RCAN2: variants seen among roughly 807,000 people sequenced by gnomAD.
RCAN2 encodes the protein calcipressin-2.
In RCAN2, 9 loss-of-function variants were observed where a neutral mutation model predicts 23.6. That is an observed-to-expected ratio of 0.38 (90% CI 0.23 to 0.67). RCAN2 has a LOEUF of 0.67. Ranked by LOEUF, RCAN2 falls within the 30% of genes least tolerant of loss-of-function variation. The pLI is 0.51. For synonymous variants in RCAN2, 109 were observed against 115.7 expected (o/e 0.94, Z 0.37); for missense variants, 273 against 302.3 (o/e 0.90, Z 0.72).
chr6:46,443,734 T>C (rs1767619396), intron 2 of RCAN2, among the ~76,000 whole-genome samples: 1 of 152,310 alleles, frequency 6.6e-6, no homozygotes, highest in East Asian at 1.9e-4. Flanking sequence ...TTCAGTGCAT[T>C]TACATTTGGC....
At chr6:46,365,934 T>C (rs1162877485) in intron 2 of RCAN2, among the ~76,000 whole-genome samples, 1 of 152,250 alleles carries the variant, frequency 6.6e-6, no homozygotes, top group African/African-American at 2.4e-5. Context: ...TTGCATTATT[T>C]GGCTTAATCT....
chr6:46,243,524 C>A (rs1179627316), intron 4 of RCAN2, among the ~76,000 whole-genome samples: 1 of 152,036 alleles, frequency 6.6e-6, no homozygotes, highest in Non-Finnish European at 1.5e-5. Flanking sequence ...AGAAATAATT[C>A]TTGAGGCCTA....
At chr6:46,296,066 CGTGTGTGT>C (rs60947209) in intron 2 of RCAN2, among the ~76,000 whole-genome samples, 1,462 of 138,526 alleles carry the variant, frequency 0.011, 25 homozygotes, top group African/African-American at 0.035. Context: ...CCAATAGCTT[CGTGTGTGT>C]GTGTGTGTGT....
chr6:46,456,815 G>T lies in RCAN2; in HGVS notation c.162C>A (p.Asp54Glu), dbSNP rs1768047063. ...TGCACGCAAACAACGAGTTGGGGAG[G>T]TCATTGAAGTCAGTGATTGCTTGAA... Reference protein sequence around the residue: ...EAFQAITDFNDLPNSLFACNV... With the variant: ...EAFQAITDFNELPNSLFACNV... The change falls in exon 2 of 5, where the codon GAC (aspartate) becomes GAA (glutamate). Residue 54 changes from aspartate to glutamate, a missense_variant. By Grantham distance (45) the Asp-to-Glu change is conservative. Coordinates refer to ENST00000371374, the MANE Select transcript of RCAN2 (RefSeq NM_001251974.2). 1.3e-6 allele frequency: 2 copies of T among 1,550,802 alleles called. No individual in the cohort carries two copies. Among genetic ancestry groups the T allele is most frequent in the Middle Eastern group, 1.7e-4 (1 of 5,994 alleles).
At chr6:46,290,113 C>G (rs918278416) in intron 2 of RCAN2, among the ~76,000 whole-genome samples, 6 of 151,938 alleles carry the variant, frequency 3.9e-5, no homozygotes, top group African/African-American at 1.2e-4. Flanking sequence ...CCATGGACTG[C>G]CAGCTACCTC....
intron 2 of RCAN2, among the ~76,000 whole-genome samples, chr6:46,339,852 A>G (rs1026188902): frequency 5.3e-5 from 8 of 152,028 alleles, no homozygotes; most frequent in Admixed American, 2.0e-4. Flanking sequence ...ATAGGAAAAT[A>G]GGTTTCTGAG....
chr6:46,421,591 C>T (rs1766891492), intron 2 of RCAN2, among the ~76,000 whole-genome samples: 1 of 152,144 alleles, frequency 6.6e-6, no homozygotes, highest in African/African-American at 2.4e-5. Context: ...CTTTTAATAC[C>T]CACTGCCAAT....
intron 2 of RCAN2, among the ~76,000 whole-genome samples, chr6:46,260,697 C>T (rs1409054662): frequency 1.3e-5 from 2 of 152,118 alleles, no homozygotes; most frequent in East Asian, 1.9e-4. Context: ...CTATGGAGCC[C>T]GGCTATGCCA....
chr6:46,227,571 G>A (rs578191592), intron 4 of RCAN2, among the ~76,000 whole-genome samples: 24 of 152,212 alleles, frequency 1.6e-4, no homozygotes, highest in Middle Eastern at 3.4e-3. Context: ...GTTTATTTGC[G>A]TAGAGTGTTT....
chr6:46,431,093 C>T (rs997489543), intron 2 of RCAN2, among the ~76,000 whole-genome samples: 13 of 152,012 alleles, frequency 8.6e-5, no homozygotes, highest in Non-Finnish European at 1.5e-5. Context: ...CGATTTCTTC[C>T]TCGTTGATTA....
chr6:46,333,933 G>C, intron 2 of RCAN2, among the ~76,000 whole-genome samples: 1 of 152,184 alleles, frequency 6.6e-6, no homozygotes, highest in Non-Finnish European at 1.5e-5. Flanking sequence ...AGGTGTTAAG[G>C]TTTGTTCCTA....
intron 2 of RCAN2, among the ~76,000 whole-genome samples, chr6:46,352,583 A>G (rs1487425075): frequency 6.6e-6 from 1 of 152,140 alleles, no homozygotes; most frequent in African/African-American, 2.4e-5. Context: ...GCCATTCCAG[A>G]CCTGAACCTC....
intron 1 of RCAN2, among the ~76,000 whole-genome samples, chr6:46,458,106 C>T (rs1561914017): frequency 6.6e-6 from 1 of 152,184 alleles, no homozygotes; most frequent in Non-Finnish European, 1.5e-5. Context: ...TATGACATGG[C>T]TACTGAATCA....
chr6:46,356,533 C>T (rs147724934), intron 2 of RCAN2, among the ~76,000 whole-genome samples: 1 of 152,260 alleles, frequency 6.6e-6, no homozygotes, highest in East Asian at 1.9e-4. Flanking sequence ...AATTAGAAAC[C>T]TCCTGGGGGA....
intron 2 of RCAN2, among the ~76,000 whole-genome samples, chr6:46,420,391 T>A (rs1450848572): frequency 6.6e-6 from 1 of 152,128 alleles, no homozygotes; most frequent in African/African-American, 2.4e-5. Flanking sequence ...CCATCAGGAA[T>A]CTTCAGGCTC....
chr6:46,368,003 T>G (rs1765221184), intron 2 of RCAN2, among the ~76,000 whole-genome samples: 1 of 152,218 alleles, frequency 6.6e-6, no homozygotes, highest in Non-Finnish European at 1.5e-5. Flanking sequence ...TAGGAGCTGT[T>G]TAGCTTCCAG....
chr6:46,220,946 G>GA lies in RCAN2; in HGVS notation c.*2194dup, dbSNP rs1581996233. 1.3e-5 allele frequency: 2 copies of GA among 152,638 alleles called. No homozygotes were observed. Among genetic ancestry groups the GA allele is most frequent in the East Asian group, 3.9e-4 (2 of 5,188 alleles). The allele number at this position is 152,638 out of a possible 1,614,324, so 9.5% of individuals were successfully genotyped here. A position where few individuals can be genotyped will look rare whatever the true frequency, so the allele number is the denominator to read the frequency against. On this transcript the variant is annotated 3_prime_UTR_variant, in exon 5 of 5. Coordinates refer to ENST00000371374, the MANE Select transcript of RCAN2 (RefSeq NM_001251974.2). The stretch of plus-strand genomic sequence containing the variant: ...GGAGGTTCCCTTGCAACACTTCAAG[G>GA]AGTCTTTCCATTTCTTATCGTTCTC...
intron 2 of RCAN2, among the ~76,000 whole-genome samples, chr6:46,447,693 A>C (rs1021061957): frequency 2.6e-5 from 4 of 151,954 alleles, no homozygotes; most frequent in African/African-American, 9.6e-5. Context: ...AATAACAGAA[A>C]GAATTTCAGA....
chr6:46,420,615 G>C (rs577716156), intron 2 of RCAN2, among the ~76,000 whole-genome samples: 2 of 150,952 alleles, frequency 1.3e-5, no homozygotes, highest in African/African-American at 4.9e-5. Flanking sequence ...TGCAATCTCG[G>C]CTCACTGCAA....
Sources: gnomAD v4.1 joint callset for allele counts (sites outside exome capture counted in the v4.1 genomes callset) on GRCh38, gnomAD v4.1.1 for gene constraint, MANE v1.5 for transcripts, NCBI Gene and HGNC (gene_info 2026-07-23, HGNC 2026-07-21) for gene names.